TBC1D22B: variants seen among roughly 807,000 people sequenced by gnomAD.
TBC1D22B encodes the protein chromosome 6 open reading frame 197.
A neutral mutation model predicts 69.1 loss-of-function variants in TBC1D22B; 32 were observed. The observed-to-expected ratio is 0.46, with a 90% confidence interval of 0.35 to 0.62. The LOEUF (loss-of-function observed/expected upper bound fraction) is 0.62, where lower values mean the gene tolerates loss of function less well. Among genes scored for constraint, TBC1D22B ranks in the 20% least tolerant of loss-of-function variants. TBC1D22B has a pLI of 0.00. For missense variants in TBC1D22B, 462 were observed against 630.9 expected (o/e 0.73, Z 2.87); for synonymous variants, 206 against 229.8 (o/e 0.90, Z 0.94).
Position 37,279,640 on chromosome 6 carries a change from TC to T in TBC1D22B, c.421+30del, listed in dbSNP as rs1458626653. The T allele has an allele frequency of 1.9e-6, 3 of 1,564,022 alleles. No homozygotes were observed. In the African/African-American group the frequency reaches 4.1e-5, roughly 22 times the overall value. On this transcript the variant is annotated intron_variant, in intron 3 of 12. Coordinates refer to ENST00000373491, the MANE Select transcript of TBC1D22B (RefSeq NM_017772.4). ...AGTCCTTCCTGCTCCCTTCATAGCC[TC>T]AGCCTTCTCAGCAGCGTGCATTTTA...
chr6:37,258,264 G>A (rs1765903636), intron 1 of TBC1D22B: 1 of 428,830 alleles, frequency 2.3e-6, no homozygotes, highest in Non-Finnish European at 4.2e-6. Flanking sequence ...TGGGTGAATA[G>A]TCAGTGTCGG....
chr6:37,304,235 C>T (rs116648243), intron 8 of TBC1D22B, among the ~76,000 whole-genome samples: 1 of 152,224 alleles, frequency 6.6e-6, no homozygotes, highest in East Asian at 1.9e-4. Flanking sequence ...GGGCACTGCT[C>T]TAGGCACTGG....
intron 1 of TBC1D22B, among the ~76,000 whole-genome samples, chr6:37,261,970 T>C (rs1766115262): frequency 2.0e-5 from 3 of 146,790 alleles, no homozygotes; most frequent in Admixed American, 1.4e-4. Flanking sequence ...TGTGTGTGTG[T>C]GTGTGTGTGT....
intron 8 of TBC1D22B, among the ~76,000 whole-genome samples, chr6:37,293,075 A>AT (rs1292981668): frequency 1.3e-5 from 2 of 148,410 alleles, no homozygotes; most frequent in Admixed American, 6.6e-5. Flanking sequence ...TATTATTATT[A>AT]TTATTATTAT....
At chr6:37,298,539 GTTTTTTTTT>G (rs34996865) in intron 8 of TBC1D22B, among the ~76,000 whole-genome samples, 2 of 71,218 alleles carry the variant, frequency 2.8e-5, no homozygotes, top group Non-Finnish European at 4.9e-5. Context: ...GTTGCCTACA[GTTTTTTTTT>G]TTTTTTTTTT....
At chr6:37,278,683 G>A (rs960485049) in intron 2 of TBC1D22B, among the ~76,000 whole-genome samples, 2 of 152,082 alleles carry the variant, frequency 1.3e-5, no homozygotes, top group African/African-American at 4.8e-5. Context: ...TAACCCCAAC[G>A]ATTTGGGAGG....
intron 10 of TBC1D22B, among the ~76,000 whole-genome samples, chr6:37,315,184 A>G (rs190447185): frequency 5.9e-5 from 9 of 152,330 alleles, no homozygotes; most frequent in African/African-American, 1.9e-4. Flanking sequence ...TACGTGATAC[A>G]TAAAGGCATA....
chr6:37,277,062 C>G (rs1766692227), intron 2 of TBC1D22B, among the ~76,000 whole-genome samples: 1 of 152,186 alleles, frequency 6.6e-6, no homozygotes, highest in African/African-American at 2.4e-5. Context: ...TGGCCCGTCT[C>G]TCCCTGTAGT....
At position 37,317,217 on chromosome 6, in the gene TBC1D22B, A is replaced by G. The variant is rs1337633098; in HGVS notation, c.1389+11A>G. ...GAGGAGGATTTTCAGGTGAGTGGCC[A>G]AGAGCTTAGTGTGGGCAGGGAATGA... On this transcript the variant is annotated intron_variant, in intron 12 of 12. Coordinates refer to ENST00000373491, the MANE Select transcript of TBC1D22B (RefSeq NM_017772.4). 6.4e-7 allele frequency: 1 copy of G among 1,558,478 alleles called. No individual in the cohort carries two copies. Among genetic ancestry groups the G allele is most frequent in the Non-Finnish European group, 8.7e-7 (1 of 1,149,742 alleles).
chr6:37,318,159 A>T (rs1018942492), intron 12 of TBC1D22B, among the ~76,000 whole-genome samples: 2 of 152,218 alleles, frequency 1.3e-5, no homozygotes, highest in African/African-American at 4.8e-5. Flanking sequence ...CCAGGATGCT[A>T]CTGTAATCCT....
At chr6:37,326,768 A>G (rs1227806720) in intron 12 of TBC1D22B, among the ~76,000 whole-genome samples, 1 of 151,314 alleles carries the variant, frequency 6.6e-6, no homozygotes, top group African/African-American at 2.5e-5. Context: ...AGCCTGGGTG[A>G]CGGAGCGAGA....
chr6:37,279,542 A>G lies in TBC1D22B; in HGVS notation c.352A>G (p.Thr118Ala). 6.2e-7 allele frequency: 1 copy of G among 1,614,250 alleles called. No individual in the cohort carries two copies. The highest frequency in any genetic ancestry group is 8.5e-7 in the Non-Finnish European group (1 of 1,180,034). The change falls in exon 3 of 13, where the codon ACA (threonine) becomes GCA (alanine). Residue 118 changes from threonine (T) to alanine (A), a missense_variant. Thr to Ala is a moderately conservative substitution (Grantham distance 58, BLOSUM62 0). Around this residue, in one of 2 missense-constraint regions of TBC1D22B, gnomAD observed 237 missense variants for 255.4 expected, o/e 0.93. Coordinates refer to ENST00000373491, the MANE Select transcript of TBC1D22B (RefSeq NM_017772.4). ...AAAACCAGAACGGTCCCAGTCAACG[A>G]CATCGGACGTCCCTGCCAACTACAA... ...RVKPERSQST[T>A]SDVPANYKVI...
chr6:37,328,666 A>G lies in TBC1D22B; in HGVS notation c.1390-2378A>G, dbSNP rs919314814. ...AAGGACTGGAAGGAAATATGCCAAAATGTTTTAAAATGGCTTCCTCTTGAT... is the reference window on the plus strand; with the variant it reads ...AAGGACTGGAAGGAAATATGCCAAAGTGTTTTAAAATGGCTTCCTCTTGAT... On this transcript the variant is annotated intron_variant, in intron 12 of 12. Transcript: ENST00000373491. 3.3e-5 allele frequency among the ~76,000 whole-genome samples: 5 copies of G among 152,186 alleles called. No individual in the cohort carries two copies. The East Asian group carries it at 9.6e-4, about 29-fold the overall frequency.
At chr6:37,299,554 T>C (rs1046961853) in intron 8 of TBC1D22B, among the ~76,000 whole-genome samples, 1 of 152,256 alleles carries the variant, frequency 6.6e-6, no homozygotes, top group African/African-American at 2.4e-5. Flanking sequence ...GAGATAGACA[T>C]GGGCCTGCCC....
chr6:37,302,250 G>A (rs1268972255), intron 8 of TBC1D22B, among the ~76,000 whole-genome samples: 1 of 152,178 alleles, frequency 6.6e-6, no homozygotes, highest in Non-Finnish European at 1.5e-5. Context: ...CTGTAAAAGT[G>A]GGTCCTCTGC....
At chr6:37,327,335 G>A (rs999581632) in intron 12 of TBC1D22B, among the ~76,000 whole-genome samples, 6 of 135,612 alleles carry the variant, frequency 4.4e-5, no homozygotes, top group South Asian at 2.3e-4. Flanking sequence ...AAAATTAGCC[G>A]GGCGTGGTGG....
intron 8 of TBC1D22B, among the ~76,000 whole-genome samples, chr6:37,293,931 C>A (rs892149952): frequency 1.3e-5 from 2 of 152,220 alleles, no homozygotes; most frequent in African/African-American, 2.4e-5. Context: ...TAATTCTCTT[C>A]ACTTTCATAA....
chr6:37,300,712 A>G (rs1033909929), intron 8 of TBC1D22B, among the ~76,000 whole-genome samples: 7 of 152,272 alleles, frequency 4.6e-5, no homozygotes, highest in Admixed American at 2.0e-4. Context: ...ACCCAGGGCC[A>G]GTCTCTTTCA....
intron 3 of TBC1D22B, 84 bp downstream of exon 3, chr6:37,279,695 A>G (rs1026510035): frequency 1.1e-5 from 15 of 1,379,304 alleles, no homozygotes; most frequent in African/African-American, 2.9e-5. Flanking sequence ...TTGGGGCCTC[A>G]CTCAGGTAGA....
Sources: gnomAD v4.1 joint callset for allele counts (sites outside exome capture counted in the v4.1 genomes callset) on GRCh38, gnomAD v4.1.1 for gene constraint, gnomAD v4.1.1 regional missense constraint, MANE v1.5 for transcripts, NCBI Gene and HGNC (gene_info 2026-07-23, HGNC 2026-07-21) for gene names.